The following PPP2R3B variants were observed in gnomAD, a reference collection of about 807,000 sequenced individuals.
PPP2R3B encodes serine/threonine-protein phosphatase 2A regulatory subunit B'' subunit beta.
Under a neutral mutation model 72.9 loss-of-function variants are expected in PPP2R3B, and 68 were observed. The ratio of observed to expected loss-of-function variants is 0.93; its 90% CI spans 0.77 to 1.14. The LOEUF (loss-of-function observed/expected upper bound fraction) is 1.14. Among genes scored for constraint, PPP2R3B ranks in the 50% most tolerant of loss-of-function variants. PPP2R3B has a pLI of 0.00. For missense variants in PPP2R3B, 1,018 were observed against 842.0 expected (o/e 1.21, Z -2.59); for synonymous variants, 466 against 375.8 (o/e 1.24, Z -2.78).
intron 4 of PPP2R3B, 84 bp from the exon 5 acceptor site, chrX:346,859 C>A (rs2071227631): frequency 2.3e-6 from 3 of 1,293,272 alleles, no homozygotes; most frequent in East Asian, 5.1e-5. Context: ...AGACGCGGAC[C>A]CTCCCGTGAG....
rs867136395 is a variant in PPP2R3B, at chrX:364,588, G to T, written c.325-2998C>A. 2.9e-3 allele frequency among the ~76,000 whole-genome samples: 278 copies of T among 96,122 alleles called. 18 individuals carry two copies. Among genetic ancestry groups the T allele is most frequent in the Non-Finnish European group, 3.9e-3 (170 of 43,880 alleles). The allele number at this position is 96,122 out of a possible 152,430, so 63.1% of individuals were successfully genotyped here. On this transcript the variant is annotated intron_variant, in intron 1 of 12. Coordinates refer to ENST00000390665, the MANE Select transcript of PPP2R3B (RefSeq NM_013239.5). ...AAAAAATTAGCCGGGTGTGGTGGAGGGTGCCTGTACTCCCAGCTACTCGGG... is the reference window on the plus strand; with the variant it reads ...AAAAAATTAGCCGGGTGTGGTGGAGTGTGCCTGTACTCCCAGCTACTCGGG...
chrX:341,179 G>C, intron 9 of PPP2R3B, 128 bp downstream of exon 9: 1 of 869,976 alleles, frequency 1.1e-6, no homozygotes, highest in African/African-American at 1.8e-5. Context: ...CCCCCACCGG[G>C]CGTGCACATG....
At chrX:346,930 C>T (rs1213011927) in intron 4 of PPP2R3B, 155 bp from the exon 5 acceptor site, 6 of 283,704 alleles carry the variant, frequency 2.1e-5, no homozygotes, top group African/African-American at 2.3e-5. Context: ...ATGGTGTAGA[C>T]GCCGGCCCTC....
intron 1 of PPP2R3B, among the ~76,000 whole-genome samples, chrX:385,043 A>G (rs2072215248): frequency 6.7e-6 from 1 of 149,346 alleles, no homozygotes; most frequent in East Asian, 2.0e-4. Flanking sequence ...ACTACTCACC[A>G]CGGACTGGTT....
chrX:363,636 T>A (rs1266040821), intron 1 of PPP2R3B, among the ~76,000 whole-genome samples: 32 of 46,712 alleles, frequency 6.9e-4, no homozygotes, highest in East Asian at 8.3e-4. Context: ...GAGCCCACCA[T>A]CCCACAGTCA....
intron 10 of PPP2R3B, among the ~76,000 whole-genome samples, chrX:339,109 G>C (rs1194471304): frequency 6.7e-6 from 1 of 149,420 alleles, no homozygotes; most frequent in South Asian, 2.1e-4. Context: ...GAGGCGACTA[G>C]GGGCCACCGG....
intron 2 of PPP2R3B, among the ~76,000 whole-genome samples, chrX:355,653 C>T (rs2071420588): frequency 6.6e-6 from 1 of 152,168 alleles, no homozygotes; most frequent in African/African-American, 2.4e-5. Flanking sequence ...ACAAACGTCT[C>T]CGAGTTCTGT....
intron 1 of PPP2R3B, among the ~76,000 whole-genome samples, chrX:381,009 C>T (rs368563995): frequency 6.6e-6 from 1 of 151,330 alleles, no homozygotes; most frequent in Non-Finnish European, 1.5e-5. Context: ...AAACATAGCT[C>T]ACTGCAGCCT....
At chrX:373,608 TC>T in intron 1 of PPP2R3B, 1 of 297,290 alleles carries the variant, frequency 3.4e-6, no homozygotes, top group Non-Finnish European at 7.1e-6. Flanking sequence ...TGAGGCCAGC[TC>T]CTGGCGCAGG....
intron 8 of PPP2R3B, 118 bp downstream of exon 8, chrX:341,765 T>C: frequency 8.9e-7 from 1 of 1,123,014 alleles, no homozygotes; most frequent in Admixed American, 1.7e-5. Context: ...CGCCAGGGCC[T>C]GGGGTGACAA....
chrX:341,495 C>CG, intron 8 of PPP2R3B, 99 bp from the exon 9 acceptor site: 1 of 1,300,180 alleles, frequency 7.7e-7, no homozygotes, highest in Non-Finnish European at 1.1e-6. Flanking sequence ...GGGAGCCCCC[C>CG]GGGCCCGGCC....
intron 6 of PPP2R3B, 115 bp from the exon 7 acceptor site, chrX:345,787 G>A (rs922540788): frequency 4.4e-6 from 5 of 1,123,616 alleles, no homozygotes; most frequent in African/African-American, 1.8e-5. Flanking sequence ...CCGTGGGTGG[G>A]GGGGACTGGG....
In PPP2R3B at chrX:355,058, G is replaced by C. The variant is rs117120150; in HGVS notation, c.510+6347C>G. 3.1e-3 allele frequency among the ~76,000 whole-genome samples: 477 copies of C among 152,328 alleles called. 3 individuals carry two copies. The highest frequency in any genetic ancestry group is 0.024 in the Middle Eastern group (7 of 294). ...AGGGAGGAGACACCGATGCAGACGA[G>C]AAGAGAAAGGCTGAACTGTGCTCAC... On this transcript the variant is annotated intron_variant, in intron 2 of 12. Transcript: ENST00000390665.
intron 1 of PPP2R3B, among the ~76,000 whole-genome samples, chrX:363,087 G>A (rs550985710): frequency 1.3e-5 from 2 of 152,184 alleles, no homozygotes; most frequent in African/African-American, 4.8e-5. Flanking sequence ...CGTGACCTGG[G>A]GCAGAGCAGG....
chrX:366,858 G>A (rs1305658140), intron 1 of PPP2R3B, among the ~76,000 whole-genome samples: 4 of 144,954 alleles, frequency 2.8e-5, no homozygotes, highest in East Asian at 2.0e-4. Context: ...GTGAGACTCT[G>A]TCTCAAAACA....
In PPP2R3B at chrX:362,820, C is replaced by G. The variant is rs1379476394; in HGVS notation, c.325-1230G>C. On this transcript the variant is annotated intron_variant, in intron 1 of 12. Coordinates refer to ENST00000390665, the MANE Select transcript of PPP2R3B (RefSeq NM_013239.5). ...CCCACAGGACCCTCACCCCAGGTCA[C>G]AAGGGTCCCACAGACAGCACCCCAA... Among the ~76,000 whole-genome samples the G allele has an allele frequency of 2.6e-5, 4 of 152,140 alleles. No homozygotes were observed. The East Asian group carries it at 5.8e-4, about 22-fold the overall frequency.
At chrX:350,191 A>G (rs193019345) in intron 2 of PPP2R3B, among the ~76,000 whole-genome samples, 1 of 152,202 alleles carries the variant, frequency 6.6e-6, no homozygotes, top group Non-Finnish European at 1.5e-5. Flanking sequence ...GTGAGTTGGG[A>G]CAGAGCCCCG....
At chrX:374,187 G>A (rs2071938683) in intron 1 of PPP2R3B, 3 of 152,258 alleles carry the variant, frequency 2.0e-5, no homozygotes, top group Admixed American at 2.0e-4. Context: ...GACGGCCTCG[G>A]GGACCCAGGC....
At chrX:362,935 C>G (rs1300229931) in intron 1 of PPP2R3B, among the ~76,000 whole-genome samples, 1 of 152,076 alleles carries the variant, frequency 6.6e-6, no homozygotes, top group Non-Finnish European at 1.5e-5. Flanking sequence ...GCTACTCCCA[C>G]AGGACCCTCA....
Sources: gnomAD v4.1 joint callset for allele counts (sites outside exome capture counted in the v4.1 genomes callset) on GRCh38, gnomAD v4.1.1 for gene constraint, MANE v1.5 for transcripts, NCBI Gene and HGNC (gene_info 2026-07-23, HGNC 2026-07-21) for gene names.